The following FOLH1 variants were observed in gnomAD, a reference collection of about 807,000 sequenced individuals.
FOLH1 encodes the protein glutamate carboxypeptidase 2.
Under a neutral mutation model 93.9 loss-of-function variants are expected in FOLH1, and 54 were observed. That is an observed-to-expected ratio of 0.57 (90% CI 0.46 to 0.72). The LOEUF is 0.72. FOLH1 is among the 30% of genes least tolerant of loss of function. The pLI is 0.00. For missense variants in FOLH1, 571 were observed against 892.5 expected (o/e 0.64, Z 4.59); for synonymous variants, 249 against 303.6 (o/e 0.82, Z 1.87).
At chr11:49,196,795 A>T (rs1862669226) in intron 3 of FOLH1, among the ~76,000 whole-genome samples, 1 of 152,200 alleles carries the variant, frequency 6.6e-6, no homozygotes, top group Non-Finnish European at 1.5e-5. Flanking sequence ...GGTGAGAAAG[A>T]ATTAAAGGTA....
chr11:49,174,767 C>T, intron 9 of FOLH1, 125 bp downstream of exon 9: 1 of 870,426 alleles, frequency 1.1e-6, no homozygotes, highest in Non-Finnish European at 1.8e-6. Flanking sequence ...AGGTGAGTTC[C>T]ACCGATTTTC....
At chr11:49,199,266 G>A (rs1440267687) in intron 3 of FOLH1, among the ~76,000 whole-genome samples, 6 of 151,912 alleles carry the variant, frequency 3.9e-5, no homozygotes, top group Non-Finnish European at 8.8e-5. Context: ...CTAAAACTGA[G>A]GTATGTTAAG....
At chr11:49,163,886 A>C (rs1858058269) in intron 13 of FOLH1, among the ~76,000 whole-genome samples, 1 of 152,046 alleles carries the variant, frequency 6.6e-6, no homozygotes, top group Non-Finnish European at 1.5e-5. Flanking sequence ...TGGAAAAAGC[A>C]TGGTTTCCTG....
At chr11:49,206,219 A>T (rs1258374404) in intron 1 of FOLH1, 47 bp from the exon 2 acceptor site, 2 of 1,606,674 alleles carry the variant, frequency 1.2e-6, no homozygotes, top group East Asian at 4.5e-5. Flanking sequence ...GCCTATAGAT[A>T]GGACTTATTT....
chr11:49,183,374 A>T, intron 6 of FOLH1, 132 bp from the exon 7 acceptor site: 2 of 693,268 alleles, frequency 2.9e-6, no homozygotes, highest in Non-Finnish European at 4.6e-6. Context: ...AACAATTCAA[A>T]TGTTAGCGAG....
intron 7 of FOLH1, among the ~76,000 whole-genome samples, chr11:49,182,461 A>G (rs1860876202): frequency 6.6e-6 from 1 of 152,132 alleles, no homozygotes; most frequent in African/African-American, 2.4e-5. Flanking sequence ...AAGTTTCAAT[A>G]ATGAAAGCAG....
intron 13 of FOLH1, among the ~76,000 whole-genome samples, chr11:49,163,910 G>A (rs138135458): frequency 4.3e-4 from 65 of 152,206 alleles, no homozygotes; most frequent in East Asian, 2.5e-3. Context: ...TTGCACATTC[G>A]CTCATCATTT....
At chr11:49,167,143 A>G (rs1300656479) in intron 12 of FOLH1, among the ~76,000 whole-genome samples, 1 of 152,218 alleles carries the variant, frequency 6.6e-6, no homozygotes, top group African/African-American at 2.4e-5. Context: ...CATATAATAT[A>G]CATATATATA....
At chr11:49,182,085 T>C (rs2135166671) in intron 7 of FOLH1, among the ~76,000 whole-genome samples, 1 of 152,134 alleles carries the variant, frequency 6.6e-6, no homozygotes, top group East Asian at 1.9e-4. Flanking sequence ...TCTCAGCACT[T>C]TGGGAGGCCA....
intron 7 of FOLH1, among the ~76,000 whole-genome samples, chr11:49,179,321 A>G (rs1335931309): frequency 6.6e-6 from 1 of 152,226 alleles, no homozygotes; most frequent in Non-Finnish European, 1.5e-5. Flanking sequence ...ATTTTTCATA[A>G]TAAATCACGT....
chr11:49,163,199 A>C (rs1857921137), intron 13 of FOLH1, among the ~76,000 whole-genome samples: 1 of 152,132 alleles, frequency 6.6e-6, no homozygotes, highest in Non-Finnish European at 1.5e-5. Flanking sequence ...AACAGCAAAG[A>C]TGGTGGTTTG....
intron 7 of FOLH1, among the ~76,000 whole-genome samples, chr11:49,179,398 T>A (rs920137435): frequency 1.3e-5 from 2 of 152,204 alleles, no homozygotes; most frequent in African/African-American, 4.8e-5. Flanking sequence ...CTCATATACT[T>A]CTTTTACTAA....
In FOLH1 at chr11:49,164,694, T is replaced by A. The variant is rs1393608203; in HGVS notation, c.1440+11A>T. On this transcript the variant is annotated intron_variant, in intron 13 of 18. Coordinates refer to ENST00000256999, the MANE Select transcript of FOLH1 (RefSeq NM_004476.3). ...AATTTGGGTTTTCTTAAATTATATG[T>A]AATTATATACCTCTTTTGTTAGGTT... 6.4e-7 allele frequency: 1 copy of A among 1,567,038 alleles called. No individual in the cohort carries two copies. The highest frequency in any genetic ancestry group is 1.4e-5 in the African/African-American group (1 of 73,470).
In FOLH1 at chr11:49,146,696, T is replaced by C; in HGVS notation, c.*60A>G. The C allele has an allele frequency of 6.6e-7, 1 of 1,510,172 alleles. No homozygotes were observed. The highest frequency in any genetic ancestry group is 8.9e-7 in the Non-Finnish European group (1 of 1,125,102). 93.5% of individuals were successfully genotyped at this position (1,510,172 alleles called of 1,614,324 possible). The stretch of plus-strand genomic sequence containing the variant: ...TTTTAAAATTTATCAATATACCCAT[T>C]ACGATTCTTTCTGAGTGACATACCA... On this transcript the variant is annotated 3_prime_UTR_variant, in exon 19 of 19. Transcript: ENST00000256999.
At chr11:49,154,859 T>G (rs1407828314) in intron 15 of FOLH1, among the ~76,000 whole-genome samples, 1 of 152,010 alleles carries the variant, frequency 6.6e-6, no homozygotes, top group South Asian at 2.1e-4. Flanking sequence ...TAAAGGCAAG[T>G]ACATAAGTAT....
At chr11:49,164,145 C>T (rs1205960261) in intron 13 of FOLH1, among the ~76,000 whole-genome samples, 1 of 152,164 alleles carries the variant, frequency 6.6e-6, no homozygotes, top group Admixed American at 6.5e-5. Flanking sequence ...GGTCACTCCT[C>T]CATTCCATTC....
At chr11:49,156,902 T>C in intron 14 of FOLH1, 95 bp from the exon 15 acceptor site, 1 of 1,563,230 alleles carries the variant, frequency 6.4e-7, no homozygotes, top group South Asian at 1.2e-5. Context: ...CTTACTATTA[T>C]AAATGTAATT....
At chr11:49,189,028 CT>C (rs1031141928) in intron 4 of FOLH1, among the ~76,000 whole-genome samples, 2 of 152,214 alleles carry the variant, frequency 1.3e-5, no homozygotes, top group South Asian at 2.1e-4. Flanking sequence ...CTAATTGTCT[CT>C]TTTTTTGAAG....
chr11:49,167,768 C>T (rs1445975963), intron 12 of FOLH1, among the ~76,000 whole-genome samples: 1 of 151,928 alleles, frequency 6.6e-6, no homozygotes, highest in Non-Finnish European at 1.5e-5. Context: ...GCCATGATCG[C>T]TCCACGCACT....
Sources: gnomAD v4.1 joint callset for allele counts (sites outside exome capture counted in the v4.1 genomes callset) on GRCh38, gnomAD v4.1.1 for gene constraint, MANE v1.5 for transcripts, NCBI Gene and HGNC (gene_info 2026-07-23, HGNC 2026-07-21) for gene names.